AP2M1: variants seen among roughly 807,000 people sequenced by gnomAD.
The protein encoded by AP2M1 is AP-2 complex subunit mu.
A neutral mutation model predicts 54.5 loss-of-function variants in AP2M1; 5 were observed. The ratio of observed to expected loss-of-function variants is 0.09; its 90% CI spans 0.05 to 0.19. AP2M1 has a LOEUF of 0.19. Ranked by LOEUF, AP2M1 falls within the 10% of genes least tolerant of loss-of-function variation. The pLI, the probability that AP2M1 is intolerant of heterozygous loss-of-function variation, is 1.00. For synonymous variants in AP2M1, 186 were observed against 208.2 expected, an observed-to-expected ratio of 0.89 and a Z score of 0.92; for missense variants, 178 against 580.2, an observed-to-expected ratio of 0.31 and a Z score of 7.12.
Position 184,180,075 on chromosome 3 carries a change from C to T in AP2M1, c.341-94C>T. On this transcript the variant is annotated intron_variant, in intron 3 of 11. Coordinates refer to ENST00000292807, the MANE Select transcript of AP2M1 (RefSeq NM_004068.4). This position sits in a 1 kb window ranked among gnomAD's most constrained non-coding sequence, Gnocchi z 4.9. ...TTTCTTGCGGATGATCCCACATGGGCTTTGGGAGCTGTGCCGGTCAGATGT... is the reference window on the plus strand; with the variant it reads ...TTTCTTGCGGATGATCCCACATGGGTTTTGGGAGCTGTGCCGGTCAGATGT... The T allele has an allele frequency of 1.7e-6, 2 of 1,167,830 alleles. No homozygotes were observed. The highest frequency in any genetic ancestry group is 1.3e-5 in the South Asian group (1 of 78,102). 72.3% of individuals were successfully genotyped at this position (1,167,830 alleles called of 1,614,324 possible). A position where few individuals can be genotyped will look rare whatever the true frequency, so the allele number is the denominator to read the frequency against.
Position 184,183,073 on chromosome 3 carries a change from C to T in AP2M1, c.1173+205C>T, listed in dbSNP as rs369466684. 8 of 633,348 alleles carry T rather than the reference C, an allele frequency of 1.3e-5. No individual in the cohort carries two copies. Among genetic ancestry groups the T allele is most frequent in the South Asian group, 3.5e-5 (2 of 56,946 alleles). The allele number at this position is 633,348 out of a possible 1,614,324, so 39.2% of individuals were successfully genotyped here. A position where few individuals can be genotyped will look rare whatever the true frequency, so the allele number is the denominator to read the frequency against. ...GATGAGGCAAATCTTTTACTTCTCTCGGCTTGTCCTAACACAGTTCTTTCA... is the reference window on the plus strand; with the variant it reads ...GATGAGGCAAATCTTTTACTTCTCTTGGCTTGTCCTAACACAGTTCTTTCA... On this transcript the variant is annotated intron_variant, in intron 11 of 11. Coordinates refer to ENST00000292807, the MANE Select transcript of AP2M1 (RefSeq NM_004068.4). The surrounding 1 kb of genome is among the most constrained non-coding windows in gnomAD (Gnocchi z 5.7).
Position 184,177,684 on chromosome 3 carries a change from C to A in AP2M1, c.74+617C>A, listed in dbSNP as rs73045947. On this transcript the variant is annotated intron_variant, in intron 2 of 11. Transcript: ENST00000292807. ...CCCTCTCAGTAGACCCAGAGCAGCT[C>A]CATATCCTGGGCCTTCACACAGAGC... 1,213 of 1,386,664 alleles carry A rather than the reference C, an allele frequency of 8.7e-4. 7 individuals are homozygous for A. The African/African-American group carries it at 0.014, about 16-fold the overall frequency. The allele number at this position is 1,386,664 out of a possible 1,614,324, so 85.9% of individuals were successfully genotyped here.
At chr3:184,179,221 T>C in intron 3 of AP2M1, 99 bp downstream of exon 3, 1 of 1,429,870 alleles carries the variant, frequency 7.0e-7, no homozygotes, top group South Asian at 1.3e-5. Flanking sequence ...TCTGGTACAC[T>C]CTGAACTTTC....
Position 184,179,025 on chromosome 3 carries a change from C to T in AP2M1, c.243C>T (p.Phe81=), listed in dbSNP as rs1463334055. 1.2e-6 allele frequency: 2 copies of T among 1,614,076 alleles called. No homozygotes were observed. The highest frequency in any genetic ancestry group is 1.7e-6 in the Non-Finnish European group (2 of 1,180,054). The change falls in exon 3 of 12, where the codon TTC becomes TTT. Residue 81 remains phenylalanine (F), a synonymous_variant. Coordinates refer to ENST00000292807, the MANE Select transcript of AP2M1 (RefSeq NM_004068.4). ...QNVNAAMVFE[F]LYKMCDVMAA... ...TCAACGCTGCCATGGTCTTCGAATT[C>T]CTCTATAAGATGTGTGACGTGATGG...
rs1026637582 is a variant in AP2M1 at position 184,180,376 on chromosome 3, C to A, written c.423+125C>A. 17 of 1,282,656 alleles carry A rather than the reference C, an allele frequency of 1.3e-5. No individual in the cohort carries two copies. Among genetic ancestry groups the A allele is most frequent in the Non-Finnish European group, 1.7e-5 (16 of 923,386 alleles). The allele number at this position is 1,282,656 out of a possible 1,614,324, so 79.5% of individuals were successfully genotyped here. A position where few individuals can be genotyped will look rare whatever the true frequency, so the allele number is the denominator to read the frequency against. On this transcript the variant is annotated intron_variant, in intron 4 of 11. Coordinates refer to ENST00000292807, the MANE Select transcript of AP2M1 (RefSeq NM_004068.4). This position sits in a 1 kb window ranked among gnomAD's most constrained non-coding sequence, Gnocchi z 4.9. ...TGACAGGAAGTGCTGGCCTGAGCCT[C>A]CTGCCATGATTGCAGGCCGATTTTG... is the stretch of plus-strand genomic sequence containing the variant.
chr3:184,183,791 C>CCCCTGGGCT lies in AP2M1; in HGVS notation c.*184_*192dup, dbSNP rs1715351549. On this transcript the variant is annotated 3_prime_UTR_variant, in exon 12 of 12. Coordinates refer to ENST00000292807, the MANE Select transcript of AP2M1 (RefSeq NM_004068.4). The surrounding 1 kb of genome is among the most constrained non-coding windows in gnomAD (Gnocchi z 5.7). ...ATTACAAGTGGGACCGGTGGAGCAG[C>CCCCTGGGCT]CCCTGGGCTCCCTGGGCAGGGGAGT... 1.4e-6 allele frequency: 1 copy of CCCCTGGGCT among 699,508 alleles called. No individual in the cohort carries two copies. The allele number at this position is 699,508 out of a possible 1,614,324, so 43.3% of individuals were successfully genotyped here.
chr3:184,175,800 A>C (rs1248064819), intron 1 of AP2M1, among the ~76,000 whole-genome samples: 1 of 151,988 alleles, frequency 6.6e-6, no homozygotes, highest in Non-Finnish European at 1.5e-5. Context: ...GCTTTGCCCC[A>C]GGCTCTACCT....
At position 184,183,668 on chromosome 3, in the gene AP2M1, A is replaced by G. The variant is rs769356172; in HGVS notation, c.*52A>G. The stretch of plus-strand genomic sequence containing the variant: ...CCCAGCCACCCTCCTCCACAGGTCC[A>G]GGTGCCGCTCCCTCCCCCACCACAC... On this transcript the variant is annotated 3_prime_UTR_variant, in exon 12 of 12. Transcript: ENST00000292807. This position sits in a 1 kb window ranked among gnomAD's most constrained non-coding sequence, Gnocchi z 5.7. 1.3e-6 allele frequency: 2 copies of G among 1,593,862 alleles called. No homozygotes were observed. Among genetic ancestry groups the G allele is most frequent in the Admixed American group, 3.5e-5 (2 of 57,652 alleles).
chr3:184,176,820 T>A, intron 1 of AP2M1, 131 bp from the exon 2 acceptor site: 1 of 562,582 alleles, frequency 1.8e-6, no homozygotes, highest in Middle Eastern at 3.8e-4. Flanking sequence ...GAGGGGCATG[T>A]CTGGGAGGGC....
At chr3:184,177,089 G>C (rs1226865667) in intron 2 of AP2M1, 22 bp downstream of exon 2, 2 of 1,609,342 alleles carry the variant, frequency 1.2e-6, no homozygotes, top group Admixed American at 1.7e-5. Flanking sequence ...GGCGGAGCCA[G>C]CTGTGCCCCA....
chr3:184,180,750 TA>T lies in AP2M1; in HGVS notation c.430-98del. On this transcript the variant is annotated intron_variant, in intron 5 of 11. Coordinates refer to ENST00000292807, the MANE Select transcript of AP2M1 (RefSeq NM_004068.4). This position sits in a 1 kb window ranked among gnomAD's most constrained non-coding sequence, Gnocchi z 4.9. ...GGGAAAATGGATTACAGGTGGGGAC[TA>T]GAAGGGATGGGGAATGAGGGTGGAG... is the stretch of plus-strand genomic sequence containing the variant. 6.2e-7 allele frequency: 1 copy of T among 1,614,020 alleles called. No homozygotes were observed. Among genetic ancestry groups the T allele is most frequent in the Non-Finnish European group, 8.5e-7 (1 of 1,179,928 alleles).
At chr3:184,176,687 T>G in intron 1 of AP2M1, 4 of 438,866 alleles carry the variant, frequency 9.1e-6, no homozygotes, top group South Asian at 5.5e-5. Flanking sequence ...GGGGCGGGGG[T>G]TACTGATGCT....
Position 184,174,900 on chromosome 3 carries a change from C to G in AP2M1, c.-103C>G. ...AGCGGGCAGACGAGCAGGGGGCGGG[C>G]GGACATCTTGGGATCCGGAGAGTGG... On this transcript the variant is annotated 5_prime_UTR_variant, in exon 1 of 12. Transcript: ENST00000292807. 1 of 398,428 alleles carries G rather than the reference C, an allele frequency of 2.5e-6. No homozygotes were observed. The highest frequency in any genetic ancestry group is 4.4e-6 in the Non-Finnish European group (1 of 225,950). The allele number at this position is 398,428 out of a possible 1,614,324, so 24.7% of individuals were successfully genotyped here. A position where few individuals can be genotyped will look rare whatever the true frequency, so the allele number is the denominator to read the frequency against.
rs1248000367 is a variant in AP2M1 at position 184,183,931 on chromosome 3, C to G, written c.*315C>G. 4 of 306,692 alleles carry G rather than the reference C, an allele frequency of 1.3e-5. No homozygotes were observed. The highest frequency in any genetic ancestry group is 2.6e-5 in the Non-Finnish European group (4 of 156,416). The allele number at this position is 306,692 out of a possible 1,614,324, so 19.0% of individuals were successfully genotyped here. A position where few individuals can be genotyped will look rare whatever the true frequency, so the allele number is the denominator to read the frequency against. On this transcript the variant is annotated 3_prime_UTR_variant, in exon 12 of 12. Coordinates refer to ENST00000292807, the MANE Select transcript of AP2M1 (RefSeq NM_004068.4). This position sits in a 1 kb window ranked among gnomAD's most constrained non-coding sequence, Gnocchi z 5.7. ...CCTTCCCACCCCTGTGGCCACAGCT[C>G]TGGAGTGGGAGGGTTGGTTGCCCCT...
In AP2M1 at chr3:184,174,886, G is replaced by A. The variant is rs35242464; in HGVS notation, c.-117G>A. 7.5e-6 allele frequency: 3 copies of A among 398,486 alleles called. No homozygotes were observed. Among genetic ancestry groups the A allele is most frequent in the African/African-American group, 2.1e-5 (1 of 48,746 alleles). The allele number at this position is 398,486 out of a possible 1,614,324, so 24.7% of individuals were successfully genotyped here. A position where few individuals can be genotyped will look rare whatever the true frequency, so the allele number is the denominator to read the frequency against. ...GTGAAAGCCGAGGCAGCGGGCAGAC[G>A]AGCAGGGGGCGGGCGGACATCTTGG... On this transcript the variant is annotated 5_prime_UTR_variant, in exon 1 of 12. Coordinates refer to ENST00000292807, the MANE Select transcript of AP2M1 (RefSeq NM_004068.4).
chr3:184,179,415 G>T, intron 3 of AP2M1: 1 of 400,564 alleles, frequency 2.5e-6, no homozygotes, highest in Non-Finnish European at 4.6e-6. Context: ...TCTTTCCTTT[G>T]TGGCTTGGAC....
At chr3:184,177,345 C>A (rs1033916791) in intron 2 of AP2M1, among the ~76,000 whole-genome samples, 3 of 152,356 alleles carry the variant, frequency 2.0e-5, no homozygotes, top group South Asian at 2.1e-4. Context: ...AGTTACAGTG[C>A]CTTTGCCCAG....
chr3:184,182,280 G>T lies in AP2M1; in HGVS notation c.1061+32G>T. 1 of 1,605,500 alleles carries T rather than the reference G, an allele frequency of 6.2e-7. No individual in the cohort carries two copies. Among genetic ancestry groups the T allele is most frequent in the South Asian group, 1.1e-5 (1 of 89,654 alleles). The stretch of plus-strand genomic sequence containing the variant: ...CTTTCCTTCATTAGGCCACAGCAGG[G>T]CTCAAGATCCCAGTATACCCTCTTG... On this transcript the variant is annotated intron_variant, in intron 10 of 11. Coordinates refer to ENST00000292807, the MANE Select transcript of AP2M1 (RefSeq NM_004068.4). The surrounding 1 kb of genome is among the most constrained non-coding windows in gnomAD (Gnocchi z 5.5).
Position 184,182,027 on chromosome 3 carries a change from C to T in AP2M1, c.943C>T (p.Leu315=). Residue 315 remains leucine (L), a synonymous_variant, in exon 9 of 12, where the codon CTG becomes TTG. Coordinates refer to ENST00000292807, the MANE Select transcript of AP2M1 (RefSeq NM_004068.4). This position sits in a 1 kb window ranked among gnomAD's most constrained non-coding sequence, Gnocchi z 5.5. ...VVIKSNFKPS[L]LAQKIEVRIP... ...CATCAAGTCCAACTTTAAACCCTCA[C>T]TGCTGGCTCAGAAGATCGAGGTGAG... 3.7e-6 allele frequency: 6 copies of T among 1,613,976 alleles called. No homozygotes were observed. Among genetic ancestry groups the T allele is most frequent in the Non-Finnish European group, 5.1e-6 (6 of 1,179,924 alleles).
Sources: gnomAD v4.1 joint callset for allele counts (sites outside exome capture counted in the v4.1 genomes callset) on GRCh38, gnomAD v4.1.1 for gene constraint, Gnocchi (gnomAD v3.1) non-coding constraint, MANE v1.5 for transcripts, NCBI Gene and HGNC (gene_info 2026-07-23, HGNC 2026-07-21) for gene names.